ARHGAP15: variants seen among roughly 807,000 people sequenced by gnomAD.
ARHGAP15 encodes the protein rho GTPase-activating protein 15.
Under a neutral mutation model 63.7 loss-of-function variants are expected in ARHGAP15, and 51 were observed. The observed-to-expected ratio is 0.80, with a 90% CI of 0.64 to 1.01. The LOEUF is 1.01. ARHGAP15 is among the 50% of genes least tolerant of loss of function. The pLI is 0.00. For synonymous variants in ARHGAP15, 191 were observed against 193.8 expected, an observed-to-expected ratio of 0.99 and a Z score of 0.12; for missense variants, 560 against 564.6, an observed-to-expected ratio of 0.99 and a Z score of 0.08.
chr2:143,209,075 C>T (rs1692469514), intron 3 of ARHGAP15, among the ~76,000 whole-genome samples: 1 of 152,100 alleles, frequency 6.6e-6, no homozygotes, highest in African/African-American at 2.4e-5. Flanking sequence ...GGGCTTTGAG[C>T]ATGAAAGACA....
intron 13 of ARHGAP15, among the ~76,000 whole-genome samples, chr2:143,737,722 TTTATTTTATTTA>T (rs1242958162): frequency 2.2e-5 from 3 of 138,652 alleles, no homozygotes; most frequent in African/African-American, 5.7e-5. Flanking sequence ...TTGAAACCTA[TTTATTTTATTTA>T]TTTATTTATT....
chr2:143,604,784 G>A (rs772707249), intron 11 of ARHGAP15, among the ~76,000 whole-genome samples: 5 of 152,174 alleles, frequency 3.3e-5, no homozygotes, highest in East Asian at 1.9e-4. Flanking sequence ...CTGAAAACTC[G>A]ACTCTGCGCT....
chr2:143,323,923 A>AT (rs1684140368), intron 6 of ARHGAP15, among the ~76,000 whole-genome samples: 1 of 145,900 alleles, frequency 6.9e-6, no homozygotes, highest in Non-Finnish European at 1.5e-5. Flanking sequence ...AAAAAAAAAA[A>AT]CACCTAAATA....
chr2:143,228,713 A>G (rs778648930), intron 5 of ARHGAP15, 45 bp downstream of exon 5: 1 of 1,391,110 alleles, frequency 7.2e-7, no homozygotes, highest in South Asian at 1.5e-5. Context: ...TTTCAGAAAT[A>G]TTGTAGAATT....
At chr2:143,316,194 A>G (rs1050066700) in intron 6 of ARHGAP15, among the ~76,000 whole-genome samples, 1 of 152,162 alleles carries the variant, frequency 6.6e-6, no homozygotes, top group African/African-American at 2.4e-5. Context: ...CTTTCCTCCT[A>G]GTTTAGGTAG....
chr2:143,445,090 G>T (rs1244679136), intron 8 of ARHGAP15, among the ~76,000 whole-genome samples: 2 of 150,778 alleles, frequency 1.3e-5, no homozygotes, highest in Admixed American at 1.3e-4. Flanking sequence ...GAAAATATAG[G>T]ACTGGGATTT....
At chr2:143,689,420 GC>G (rs1358249705) in intron 12 of ARHGAP15, among the ~76,000 whole-genome samples, 1 of 152,066 alleles carries the variant, frequency 6.6e-6, no homozygotes, top group African/African-American at 2.4e-5. Flanking sequence ...AGAGTTCTAA[GC>G]TTTTTATGAG....
intron 4 of ARHGAP15, among the ~76,000 whole-genome samples, chr2:143,220,424 T>C (rs1692943672): frequency 6.6e-6 from 1 of 152,158 alleles, no homozygotes; most frequent in Non-Finnish European, 1.5e-5. Flanking sequence ...TTGCTCAGAA[T>C]GGTTTGGAAC....
At chr2:143,410,590 G>A (rs1688399950) in intron 6 of ARHGAP15, among the ~76,000 whole-genome samples, 1 of 152,154 alleles carries the variant, frequency 6.6e-6, no homozygotes, top group Admixed American at 6.6e-5. Context: ...GATATGTACT[G>A]AGAAATAGCA....
At chr2:143,543,394 G>C (rs980011879) in intron 10 of ARHGAP15, among the ~76,000 whole-genome samples, 1 of 151,906 alleles carries the variant, frequency 6.6e-6, no homozygotes. Flanking sequence ...TTGGGCTCAG[G>C]TTGTTTTTTG....
intron 11 of ARHGAP15, among the ~76,000 whole-genome samples, chr2:143,579,417 GT>G (rs773454498): frequency 5.1e-4 from 78 of 152,282 alleles, no homozygotes; most frequent in Non-Finnish European, 8.4e-4. Flanking sequence ...TGAGTACCAT[GT>G]TTTTCTGTCC....
intron 6 of ARHGAP15, among the ~76,000 whole-genome samples, chr2:143,402,442 G>T (rs969276924): frequency 6.6e-6 from 1 of 151,250 alleles, no homozygotes; most frequent in African/African-American, 2.4e-5. Context: ...TTCTGAGTTC[G>T]CAAAAGGAAA....
At chr2:143,739,762 G>A (rs983221321) in intron 13 of ARHGAP15, among the ~76,000 whole-genome samples, 4 of 152,078 alleles carry the variant, frequency 2.6e-5, no homozygotes, top group African/African-American at 4.8e-5. Context: ...GACTTTTACT[G>A]AAGATTGACA....
chr2:143,323,076 G>C (rs530219219), intron 6 of ARHGAP15, among the ~76,000 whole-genome samples: 6 of 152,148 alleles, frequency 3.9e-5, no homozygotes, highest in Non-Finnish European at 8.8e-5. Context: ...TTGGGTTGAT[G>C]TATGTTTTTC....
chr2:143,461,662 T>C (rs758556228), intron 8 of ARHGAP15, among the ~76,000 whole-genome samples: 12 of 152,084 alleles, frequency 7.9e-5, no homozygotes, highest in Non-Finnish European at 1.5e-4. Context: ...ACAGACAAAT[T>C]AACCATTTTT....
chr2:143,410,567 T>G (rs1326232887), intron 6 of ARHGAP15, among the ~76,000 whole-genome samples: 1 of 152,220 alleles, frequency 6.6e-6, no homozygotes, highest in African/African-American at 2.4e-5. Context: ...TATACATATG[T>G]GTCGAGCATT....
intron 13 of ARHGAP15, among the ~76,000 whole-genome samples, chr2:143,736,699 A>T (rs79867654): frequency 7.2e-4 from 109 of 152,368 alleles, no homozygotes; most frequent in African/African-American, 1.9e-3. Flanking sequence ...ACTACTCTGT[A>T]TATCAAATGA....
rs568233854 is a variant in ARHGAP15, at chr2:143,538,525, A to G, written c.926-17883A>G. Among the ~76,000 whole-genome samples the G allele has an allele frequency of 1.3e-3, 204 of 152,294 alleles. 1 individual carries two copies. Among genetic ancestry groups the G allele is most frequent in the African/African-American group, 4.8e-3 (200 of 41,568 alleles). Reference sequence around the variant, plus strand: ...GATATTGGCTGTGGGTCTGTGATAGATAGCTCTTATTATTTTGAGATATGT... The same window carrying G: ...GATATTGGCTGTGGGTCTGTGATAGGTAGCTCTTATTATTTTGAGATATGT... On this transcript the variant is annotated intron_variant, in intron 10 of 13. Coordinates refer to ENST00000295095, the MANE Select transcript of ARHGAP15 (RefSeq NM_018460.4).
intron 8 of ARHGAP15, among the ~76,000 whole-genome samples, chr2:143,456,378 A>T (rs908128822): frequency 6.6e-6 from 1 of 152,158 alleles, no homozygotes; most frequent in Non-Finnish European, 1.5e-5. Flanking sequence ...ATTAAAAATG[A>T]AATCATTTTG....
Sources: allele counts gnomAD v4.1 joint callset (sites outside exome capture counted in the v4.1 genomes callset), GRCh38; gene constraint gnomAD v4.1.1; transcripts MANE v1.5; gene names NCBI Gene and HGNC (gene_info 2026-07-23, HGNC 2026-07-21).